PPP1R12B: variants seen among roughly 807,000 people sequenced by gnomAD.
PPP1R12B encodes the protein protein phosphatase 1 regulatory subunit 12B.
In PPP1R12B, 76 loss-of-function variants were observed where a neutral mutation model predicts 126.1. That is an observed-to-expected ratio of 0.60 (90% CI 0.50 to 0.73). The LOEUF is 0.73. Ranked by LOEUF, PPP1R12B falls within the 30% of genes least tolerant of loss-of-function variation. The pLI is 0.00. For missense variants in PPP1R12B, 1,052 were observed against 1,205.1 expected (o/e 0.87, Z 1.88); for synonymous variants, 356 against 434.7 (o/e 0.82, Z 2.25).
At chr1:202,355,215 A>G (rs1197158448) in intron 1 of PPP1R12B, among the ~76,000 whole-genome samples, 2 of 152,260 alleles carry the variant, frequency 1.3e-5, no homozygotes, top group Admixed American at 1.3e-4. Flanking sequence ...GTGTTCCACT[A>G]TATTTTTCTC....
At chr1:202,353,882 G>T (rs1312369490) in intron 1 of PPP1R12B, among the ~76,000 whole-genome samples, 1 of 151,900 alleles carries the variant, frequency 6.6e-6, no homozygotes, top group Admixed American at 6.6e-5. Flanking sequence ...CAAAGTGCTC[G>T]GATTACAAGT....
chr1:202,547,989 C>G (rs1372572136), intron 18 of PPP1R12B, among the ~76,000 whole-genome samples: 1 of 152,166 alleles, frequency 6.6e-6, no homozygotes, highest in East Asian at 1.9e-4. Context: ...CAGTGCTGTA[C>G]CAAGCACTTA....
intron 1 of PPP1R12B, among the ~76,000 whole-genome samples, chr1:202,359,141 C>T (rs1202174666): frequency 6.6e-6 from 1 of 151,812 alleles, no homozygotes; most frequent in African/African-American, 2.4e-5. Flanking sequence ...CTAGATATCA[C>T]ATAATTTTTT....
At chr1:202,579,208 T>C (rs1362116861) in intron 23 of PPP1R12B, among the ~76,000 whole-genome samples, 2 of 152,226 alleles carry the variant, frequency 1.3e-5, no homozygotes, top group Non-Finnish European at 2.9e-5. Context: ...TTAACCTATA[T>C]CTTCTCTGAG....
At chr1:202,368,937 CA>C (rs756120167) in intron 1 of PPP1R12B, among the ~76,000 whole-genome samples, 4 of 152,086 alleles carry the variant, frequency 2.6e-5, no homozygotes, top group Non-Finnish European at 5.9e-5. Context: ...CTATGTGGTC[CA>C]ACTTGTGGCC....
intron 10 of PPP1R12B, chr1:202,438,703 G>T: frequency 1.6e-6 from 1 of 630,994 alleles, no homozygotes; most frequent in South Asian, 1.7e-5. Flanking sequence ...GCCCAGTCAA[G>T]GGCCAGGTGG....
intron 19 of PPP1R12B, among the ~76,000 whole-genome samples, chr1:202,562,022 C>T (rs1025109232): frequency 2.6e-5 from 4 of 152,168 alleles, no homozygotes; most frequent in Non-Finnish European, 5.9e-5. Flanking sequence ...AGAGCAAAGT[C>T]TGAGAAAAAT....
Position 202,495,617 on chromosome 1 carries a change from A to C in PPP1R12B, c.2383A>C (p.Ile795Leu), listed in dbSNP as rs3817220. ...LDEQSSKRLS[I>L]RERRRPKERR... ...TGAGCAGTCCTCTAAGAGGCTGTCC[A>C]TCCGAGAGAGGAGGCGGCCCAAGGA... Residue 795 changes from isoleucine to leucine, a missense_variant, in exon 17 of 24, where the codon ATC becomes CTC. Physicochemically the swap from Ile to Leu is conservative, Grantham distance 5. Coordinates refer to ENST00000608999, the MANE Select transcript of PPP1R12B (RefSeq NM_002481.4). 1 of 1,614,200 alleles carries C rather than the reference A, an allele frequency of 6.2e-7. No homozygotes were observed.
At chr1:202,367,289 G>A (rs1336522912) in intron 1 of PPP1R12B, among the ~76,000 whole-genome samples, 2 of 152,182 alleles carry the variant, frequency 1.3e-5, no homozygotes, top group African/African-American at 4.8e-5. Flanking sequence ...TTTGGAATCA[G>A]ACATAGTTGG....
chr1:202,571,428 T>C (rs373538949), intron 23 of PPP1R12B, among the ~76,000 whole-genome samples: 1 of 148,654 alleles, frequency 6.7e-6, no homozygotes, highest in East Asian at 2.1e-4. Flanking sequence ...AGGTAAGCTG[T>C]TGTGAGGCTG....
At chr1:202,414,828 C>G (rs1667852894) in intron 1 of PPP1R12B, among the ~76,000 whole-genome samples, 1 of 152,176 alleles carries the variant, frequency 6.6e-6, no homozygotes, top group African/African-American at 2.4e-5. Flanking sequence ...TGCCCTGTCA[C>G]TCAGGCTGGA....
intron 18 of PPP1R12B, among the ~76,000 whole-genome samples, chr1:202,500,240 T>TCTCTCA (rs995151800): frequency 2.6e-5 from 4 of 152,044 alleles, no homozygotes; most frequent in Admixed American, 6.6e-5. Flanking sequence ...TCTCTCTCTC[T>TCTCTCA]CTCTCACTCT....
At position 202,580,531 on chromosome 1, in the gene PPP1R12B, A is replaced by T. The variant is rs1446008875; in HGVS notation, c.2920A>T (p.Ile974Phe). The change falls in exon 24 of 24, where the codon ATC (isoleucine) becomes TTC (phenylalanine). Residue 974 changes from isoleucine to phenylalanine, a missense_variant. By Grantham distance (21) the Ile-to-Phe change is conservative (BLOSUM62 0). Coordinates refer to ENST00000608999, the MANE Select transcript of PPP1R12B (RefSeq NM_002481.4). The part of the protein sequence containing the change: ...QRLKDENGAL[I>F]RVISKLSK The stretch of plus-strand genomic sequence containing the variant: ...GCTGAAAGATGAAAATGGTGCCCTC[A>T]TCAGAGTCATCAGCAAACTGTCCAA... The T allele has an allele frequency of 6.2e-7, 1 of 1,613,970 alleles. No individual in the cohort carries two copies. Among genetic ancestry groups the T allele is most frequent in the South Asian group, 1.1e-5 (1 of 91,082 alleles).
At chr1:202,450,299 T>G (rs1324282248) in intron 13 of PPP1R12B, among the ~76,000 whole-genome samples, 1 of 152,176 alleles carries the variant, frequency 6.6e-6, no homozygotes. Flanking sequence ...TAGAGAGAAG[T>G]TATGAGAGAA....
In PPP1R12B at chr1:202,462,756, T is replaced by G. The variant is rs918204318; in HGVS notation, c.1850+13585T>G. 3.1e-6 allele frequency: 3 copies of G among 981,692 alleles called. No individual in the cohort carries two copies. The African/African-American group carries it at 5.3e-5, about 17-fold the overall frequency. 60.8% of individuals were successfully genotyped at this position (981,692 alleles called of 1,614,324 possible). On this transcript the variant is annotated intron_variant, in intron 13 of 23. Coordinates refer to ENST00000608999, the MANE Select transcript of PPP1R12B (RefSeq NM_002481.4). ...TAGAAAAGGACAGTTGCTGGTACAATCTCATAAAATGGGCTCCAGTGTTTA... is the reference window on the plus strand; with the variant it reads ...TAGAAAAGGACAGTTGCTGGTACAAGCTCATAAAATGGGCTCCAGTGTTTA...
At position 202,591,359 on chromosome 1, in the gene PPP1R12B, CT is replaced by C. The variant is rs1690109274; in HGVS notation, c.*10800del. 1 of 152,558 alleles carries C rather than the reference CT, an allele frequency of 6.6e-6. No homozygotes were observed. The highest frequency in any genetic ancestry group is 2.1e-4 in the South Asian group (1 of 4,826). The allele number at this position is 152,558 out of a possible 1,614,324, so 9.5% of individuals were successfully genotyped here. A position where few individuals can be genotyped will look rare whatever the true frequency, so the allele number is the denominator to read the frequency against. ...CATCCTGGGCTCTTCCCATGCAGTA[CT>C]GCCCTCAGGTGCCCATGGGGCCAGG... On this transcript the variant is annotated 3_prime_UTR_variant, in exon 24 of 24. Coordinates refer to ENST00000608999, the MANE Select transcript of PPP1R12B (RefSeq NM_002481.4).
chr1:202,452,373 C>T (rs1188808040), intron 13 of PPP1R12B, among the ~76,000 whole-genome samples: 3 of 152,212 alleles, frequency 2.0e-5, no homozygotes, highest in Non-Finnish European at 4.4e-5. Context: ...CACAGCGAAA[C>T]CCCGTCTCCA....
chr1:202,529,305 GAAAA>G (rs1216109447), intron 18 of PPP1R12B, among the ~76,000 whole-genome samples: 1 of 117,232 alleles, frequency 8.5e-6, no homozygotes, highest in Non-Finnish European at 1.8e-5. Flanking sequence ...TGTTATTATT[GAAAA>G]AAAAAAAAAA....
At chr1:202,350,965 A>AT (rs1272614066) in intron 1 of PPP1R12B, among the ~76,000 whole-genome samples, 4 of 151,180 alleles carry the variant, frequency 2.6e-5, no homozygotes, top group South Asian at 2.1e-4. Flanking sequence ...ACAGCTATGG[A>AT]TTTTTTTTTA....
Sources: allele counts gnomAD v4.1 joint callset (sites outside exome capture counted in the v4.1 genomes callset), GRCh38; gene constraint gnomAD v4.1.1; transcripts MANE v1.5; gene names NCBI Gene and HGNC (gene_info 2026-07-23, HGNC 2026-07-21).